The following PRMT8 variants were observed in gnomAD, a reference collection of about 807,000 sequenced individuals.
The protein encoded by PRMT8 is protein arginine methyltransferase 8.
A neutral mutation model predicts 47.1 loss-of-function variants in PRMT8; 7 were observed. The ratio of observed to expected loss-of-function variants is 0.15; its 90% CI spans 0.08 to 0.28. The LOEUF is 0.28. PRMT8 is among the 10% of genes least tolerant of loss of function. The pLI is 1.00. For missense variants in PRMT8, 237 were observed against 505.4 expected, an observed-to-expected ratio of 0.47 and a Z score of 5.09; for synonymous variants, 188 against 186.5, an observed-to-expected ratio of 1.01 and a Z score of -0.07.
intron 4 of PRMT8, among the ~76,000 whole-genome samples, chr12:3,560,039 C>T (rs1034349062): frequency 6.6e-6 from 1 of 152,208 alleles, no homozygotes; most frequent in African/African-American, 2.4e-5. Context: ...GGAGGGACCT[C>T]CAGGTCCAGG....
In PRMT8 at chr12:3,466,808, G is replaced by A. The variant is rs536100513; in HGVS notation, c.49-73798G>A. On this transcript the variant is annotated intron_variant, in intron 1 of 9. Transcript: ENST00000452611. ...TGTCTCCTGCATTAAACAAATCGAT[G>A]TCTCTTTTCTACAAAACAAACTCTT... Among the ~76,000 whole-genome samples the A allele has an allele frequency of 2.6e-5, 4 of 152,226 alleles. No homozygotes were observed. The South Asian group carries it at 6.2e-4, about 24-fold the overall frequency.
intron 1 of PRMT8, among the ~76,000 whole-genome samples, chr12:3,495,592 T>C (rs985863187): frequency 6.6e-6 from 1 of 152,250 alleles, no homozygotes; most frequent in Non-Finnish European, 1.5e-5. Context: ...TCCTAACGCC[T>C]GTCTCTCACT....
chr12:3,465,516 C>T (rs922391116), intron 1 of PRMT8, among the ~76,000 whole-genome samples: 2 of 151,758 alleles, frequency 1.3e-5, no homozygotes, highest in South Asian at 4.1e-4. Context: ...CTGATGAGTG[C>T]CTGGAAAGGA....
upstream of PRMT8, among the ~76,000 whole-genome samples, chr12:3,488,500 C>T (rs1261936643): frequency 6.6e-6 from 1 of 152,190 alleles, no homozygotes; most frequent in Admixed American, 6.5e-5. Flanking sequence ...CACATGTTTT[C>T]TTGCCTCCCA....
At chr12:3,452,688 C>T (rs1256498538) in intron 1 of PRMT8, among the ~76,000 whole-genome samples, 1 of 152,236 alleles carries the variant, frequency 6.6e-6, no homozygotes, top group Non-Finnish European at 1.5e-5. Context: ...GGTCTGCTGT[C>T]TTCTGGGCCT....
chr12:3,565,333 A>G (rs2137199849), intron 4 of PRMT8, among the ~76,000 whole-genome samples: 1 of 152,324 alleles, frequency 6.6e-6, no homozygotes, highest in Non-Finnish European at 1.5e-5. Flanking sequence ...ACCTGGAACA[A>G]GAGCGTAAGT....
chr12:3,547,570 G>A (rs1410358125), intron 2 of PRMT8, among the ~76,000 whole-genome samples: 1 of 152,184 alleles, frequency 6.6e-6, no homozygotes, highest in Non-Finnish European at 1.5e-5. Context: ...TTGAGCCCCG[G>A]CATTCAAGAC....
chr12:3,482,095 T>C lies in PRMT8; in HGVS notation c.49-58511T>C, dbSNP rs1865279866. On this transcript the variant is annotated intron_variant, in intron 1 of 9. Coordinates refer to the PRMT8 transcript ENST00000452611. Reference sequence around the variant, plus strand: ...GCTGAAGGAAAAGGGCAAGATTTGCTCAGAGCCCTCCAGTCACAAACTCTG... The same window carrying C: ...GCTGAAGGAAAAGGGCAAGATTTGCCCAGAGCCCTCCAGTCACAAACTCTG... Among the ~76,000 whole-genome samples, 3 of 152,192 alleles carry C rather than the reference T, an allele frequency of 2.0e-5. No homozygotes were observed. In the South Asian group the frequency reaches 6.2e-4, roughly 32 times the overall value.
intron 1 of PRMT8, among the ~76,000 whole-genome samples, chr12:3,400,274 TAAAG>T (rs1298299354): frequency 6.6e-5 from 10 of 151,926 alleles, no homozygotes; most frequent in African/African-American, 2.4e-4. Context: ...GTTAGACTAA[TAAAG>T]AAGAAAAGAG....
At chr12:3,510,218 C>T (rs1393890679) in intron 1 of PRMT8, among the ~76,000 whole-genome samples, 1 of 152,084 alleles carries the variant, frequency 6.6e-6, no homozygotes, top group Admixed American at 6.5e-5. Flanking sequence ...TGGGGTGGGG[C>T]GGCTCTGCAG....
At chr12:3,465,601 T>A (rs1429983425) in intron 1 of PRMT8, among the ~76,000 whole-genome samples, 2 of 152,172 alleles carry the variant, frequency 1.3e-5, no homozygotes, top group Non-Finnish European at 2.9e-5. Flanking sequence ...TAGGGATTTG[T>A]GACTTTATTT....
At position 3,557,454 on chromosome 12, in the gene PRMT8, G is replaced by A. The variant is rs1446040262; in HGVS notation, c.481+3740G>A. ...GTCTAGTGGCCACAAGTGGAGCTGC[G>A]ATCCTGAGGCCCAAGTAGGGGGATG... On this transcript the variant is annotated intron_variant, in intron 4 of 9. Transcript: ENST00000382622. The surrounding 1 kb of genome is among the most constrained non-coding windows in gnomAD (Gnocchi z 4.7). 1.3e-5 allele frequency among the ~76,000 whole-genome samples: 2 copies of A among 152,154 alleles called. No individual in the cohort carries two copies. Among genetic ancestry groups the A allele is most frequent in the South Asian group, 2.1e-4 (1 of 4,830 alleles).
intron 1 of PRMT8, among the ~76,000 whole-genome samples, chr12:3,388,061 C>T (rs1230032363): frequency 6.6e-6 from 1 of 151,006 alleles, no homozygotes; most frequent in South Asian, 2.1e-4. Flanking sequence ...TCCTCCCTCC[C>T]TCCCTCCCTG....
At chr12:3,465,792 C>T (rs547538487) in intron 1 of PRMT8, among the ~76,000 whole-genome samples, 17 of 152,294 alleles carry the variant, frequency 1.1e-4, no homozygotes, top group South Asian at 4.1e-4. Flanking sequence ...GGCTTGCTGT[C>T]CTGCTAATAG....
At chr12:3,469,348 A>G in intron 1 of PRMT8, 1 of 334,362 alleles carries the variant, frequency 3.0e-6, no homozygotes, top group Non-Finnish European at 5.8e-6. Flanking sequence ...GATAAAGTGG[A>G]AATTGTCCTT....
intron 1 of PRMT8, among the ~76,000 whole-genome samples, chr12:3,521,049 A>C (rs1161921715): frequency 6.6e-6 from 1 of 152,246 alleles, no homozygotes; most frequent in Non-Finnish European, 1.5e-5. Flanking sequence ...GAAGAAGTTA[A>C]ACTCCGGCCT....
intron 1 of PRMT8, among the ~76,000 whole-genome samples, chr12:3,447,620 T>G (rs1262882577): frequency 6.6e-6 from 1 of 152,056 alleles, no homozygotes; most frequent in Non-Finnish European, 1.5e-5. Flanking sequence ...CCCACTGACC[T>G]CCTGTACCCG....
At position 3,514,784 on chromosome 12, in the gene PRMT8, T is replaced by C. The variant is rs185287357; in HGVS notation, c.75+23084T>C. On this transcript the variant is annotated intron_variant, in intron 1 of 9. Coordinates refer to ENST00000382622, the MANE Select transcript of PRMT8 (RefSeq NM_019854.5). The surrounding 1 kb of genome is among the most constrained non-coding windows in gnomAD (Gnocchi z 5.9). ...CCTATGGGGGTCACTGTCGACCTGC[T>C]CTTTCCCCGACCTGAAACTTTCGTG... 6.6e-6 allele frequency among the ~76,000 whole-genome samples: 1 copy of C among 152,232 alleles called. No individual in the cohort carries two copies. Among genetic ancestry groups the C allele is most frequent in the East Asian group, 1.9e-4 (1 of 5,146 alleles).
At chr12:3,447,225 C>T (rs1048903763) in intron 1 of PRMT8, among the ~76,000 whole-genome samples, 2 of 152,188 alleles carry the variant, frequency 1.3e-5, no homozygotes, top group Admixed American at 6.5e-5. Flanking sequence ...CCAAAACAGG[C>T]GCTTGTATCT....
Sources: allele counts gnomAD v4.1 joint callset (sites outside exome capture counted in the v4.1 genomes callset), GRCh38; gene constraint gnomAD v4.1.1; non-coding constraint Gnocchi (gnomAD v3.1); transcripts MANE v1.5; gene names NCBI Gene and HGNC (gene_info 2026-07-23, HGNC 2026-07-21).